Variants in PRPF3 observed in about 807,000 individuals in gnomAD.
The protein encoded by PRPF3 is pre-mRNA processing factor 3.
Under a neutral mutation model 89.2 loss-of-function variants are expected in PRPF3, and 3 were observed. That is an observed-to-expected ratio of 0.03 (90% confidence interval 0.02 to 0.09). The LOEUF (loss-of-function observed/expected upper bound fraction) is 0.09, where lower values mean the gene tolerates loss of function less well. Ranked by LOEUF, PRPF3 falls within the 10% of genes least tolerant of loss-of-function variation. The pLI is 1.00. For synonymous variants in PRPF3, 270 were observed against 289.1 expected (o/e 0.93, Z 0.67); for missense variants, 463 against 828.8 (o/e 0.56, Z 5.42).
At chr1:150,324,075 G>A (rs185699018) in intron 1 of PRPF3, among the ~76,000 whole-genome samples, 64 of 152,018 alleles carry the variant, frequency 4.2e-4, no homozygotes, top group African/African-American at 1.2e-3. Flanking sequence ...CACCGCGCCC[G>A]GCCAGAACAT....
chr1:150,339,745 T>TG (rs1265542781), intron 8 of PRPF3, among the ~76,000 whole-genome samples: 3 of 148,680 alleles, frequency 2.0e-5, no homozygotes, highest in African/African-American at 7.5e-5. Context: ...GCGTTTTTTT[T>TG]TTTTTTTTTT....
chr1:150,343,886 G>A (rs1486480921), intron 10 of PRPF3, among the ~76,000 whole-genome samples: 3 of 152,152 alleles, frequency 2.0e-5, no homozygotes, highest in Admixed American at 6.6e-5. Flanking sequence ...TAGATGCTGT[G>A]ATCAGTGTGA....
At chr1:150,329,714 G>C (rs1286845008) in intron 4 of PRPF3, 2 of 152,132 alleles carry the variant, frequency 1.3e-5, no homozygotes, top group African/African-American at 4.8e-5. Flanking sequence ...AGAAATATGG[G>C]TGGGTGGATT....
At position 150,338,342 on chromosome 1, in the gene PRPF3, T is replaced by C. The variant is rs781818396; in HGVS notation, c.1202+16T>C. 5 of 1,612,704 alleles carry C rather than the reference T, an allele frequency of 3.1e-6. No individual in the cohort carries two copies. The Admixed American group carries it at 6.7e-5, about 22-fold the overall frequency. ...GCTTTGATCTGTGAGTTTGTTTTAG[T>C]ACCTTTTTAAAAAAACAGTTTTTAA... On this transcript the variant is annotated intron_variant, in intron 8 of 15. Coordinates refer to ENST00000324862, the MANE Select transcript of PRPF3 (RefSeq NM_004698.4).
chr1:150,348,456 G>A (rs1219667808), intron 14 of PRPF3, among the ~76,000 whole-genome samples: 13 of 26,360 alleles, frequency 4.9e-4, no homozygotes, highest in Admixed American at 8.6e-4. Flanking sequence ...TGTTCTACAC[G>A]TGCATTTTTT....
In PRPF3 at chr1:150,321,594, T is replaced by C. The variant is rs1438777644; in HGVS notation, c.-49+2T>C. On this transcript the variant is annotated splice_donor_variant, in intron 1 of 15. Transcript: ENST00000324862. LOFTEE classifies it low-confidence loss of function (5UTR_SPLICE). ...GTCTCAGGGGCTGAAGTTTGTGAGG[T>C]GAGTAGTGGCCCCGGGCCCACAGAG... is the stretch of plus-strand genomic sequence containing the variant. The C allele has an allele frequency of 6.6e-6, 1 of 152,262 alleles. No homozygotes were observed. Among genetic ancestry groups the C allele is most frequent in the East Asian group, 1.9e-4 (1 of 5,156 alleles). 9.4% of individuals were successfully genotyped at this position (152,262 alleles called of 1,614,324 possible).
chr1:150,323,960 T>TA (rs1655407676), intron 1 of PRPF3, among the ~76,000 whole-genome samples: 1 of 151,658 alleles, frequency 6.6e-6, no homozygotes, highest in Non-Finnish European at 1.5e-5. Context: ...TTGTAGTTTT[T>TA]AGTAGAGATG....
chr1:150,332,809 C>G (rs782133594), intron 5 of PRPF3, 42 bp downstream of exon 5: 23 of 1,598,350 alleles, frequency 1.4e-5, no homozygotes, highest in Non-Finnish European at 2.0e-5. Flanking sequence ...ATCTTTGGCA[C>G]AGAATTTCTT....
chr1:150,351,696 A>G (rs1302468620), intron 15 of PRPF3, among the ~76,000 whole-genome samples: 19 of 73,366 alleles, frequency 2.6e-4, no homozygotes, highest in African/African-American at 6.6e-4. Flanking sequence ...TTTTTTTTAG[A>G]AATGGATCTC....
Position 150,352,944 on chromosome 1 carries a change from G to T in PRPF3, c.2017G>T (p.Ala673Ser). The stretch of plus-strand genomic sequence containing the variant: ...TGGGGCTGAACACTACTGGGACCTT[G>T]CGCTGAGTGAATCTGTGTTAGAGTC... ...KHGAEHYWDL[A>S]LSESVLESTD The change falls in exon 16 of 16, where the codon GCG becomes TCG. Residue 673 changes from alanine (A) to serine (S), a missense_variant. This residue lies in a region of PRPF3 where 78 missense variants were observed against 96.6 expected (regional missense o/e 0.81). Transcript: ENST00000324862. The T allele has an allele frequency of 6.2e-7, 1 of 1,614,140 alleles. No homozygotes were observed. Among genetic ancestry groups the T allele is most frequent in the Non-Finnish European group, 8.5e-7 (1 of 1,180,016 alleles).
chr1:150,340,328 T>G, intron 8 of PRPF3, 70 bp from the exon 9 acceptor site: 2 of 1,179,938 alleles, frequency 1.7e-6, no homozygotes, highest in Non-Finnish European at 2.5e-6. Context: ...TTTCATTGTA[T>G]TTCTGAGACT....
chr1:150,323,173 C>CTTTTTT (rs71083901), intron 1 of PRPF3, among the ~76,000 whole-genome samples: 6,431 of 48,228 alleles, frequency 0.13, 1,831 homozygotes, highest in Middle Eastern at 0.25. Flanking sequence ...CCGCACCTGG[C>CTTTTTT]TTTTTTTTTT....
intron 8 of PRPF3, among the ~76,000 whole-genome samples, 162 bp downstream of exon 8, chr1:150,338,488 A>C (rs1657288661): frequency 6.7e-6 from 1 of 150,352 alleles, no homozygotes; most frequent in South Asian, 2.1e-4. Context: ...ACTGTACACA[A>C]GGTCCTGTTA....
chr1:150,335,343 AT>A (rs1656849153), intron 7 of PRPF3, 102 bp downstream of exon 7: 9 of 1,376,020 alleles, frequency 6.5e-6, no homozygotes, highest in Non-Finnish European at 9.1e-6. Context: ...TAAATAGGTC[AT>A]TTAAAGCAGC....
chr1:150,334,019 T>C (rs1269204112), intron 6 of PRPF3, among the ~76,000 whole-genome samples: 2 of 152,124 alleles, frequency 1.3e-5, no homozygotes, highest in African/African-American at 2.4e-5. Context: ...ATCAAGATAC[T>C]ATTGGCAGGG....
intron 12 of PRPF3, 147 bp from the exon 13 acceptor site, chr1:150,345,870 AC>A (rs1357462160): frequency 8.0e-6 from 6 of 750,922 alleles, no homozygotes; most frequent in East Asian, 2.5e-5. Context: ...CATCAACTCT[AC>A]CTTTTAAGCA....
chr1:150,344,580 A>G, intron 12 of PRPF3, 33 bp downstream of exon 12: 3 of 1,606,832 alleles, frequency 1.9e-6, no homozygotes, highest in Non-Finnish European at 2.6e-6. Context: ...ACTTCCCCTT[A>G]GAATTACTAA....
chr1:150,335,341 T>G, intron 7 of PRPF3, 100 bp downstream of exon 7: 1 of 1,392,784 alleles, frequency 7.2e-7, no homozygotes, highest in East Asian at 2.3e-5. Context: ...GATAAATAGG[T>G]CATTTAAAGC....
intron 3 of PRPF3, chr1:150,327,737 AT>A (rs1655885273): frequency 1.7e-6 from 1 of 594,196 alleles, no homozygotes. Context: ...TAGTCATCAT[AT>A]TTGAGTTTCC....
Sources: gnomAD v4.1 joint callset for allele counts (sites outside exome capture counted in the v4.1 genomes callset) on GRCh38, gnomAD v4.1.1 for gene constraint, gnomAD v4.1.1 regional missense constraint, MANE v1.5 for transcripts, NCBI Gene and HGNC (gene_info 2026-07-23, HGNC 2026-07-21) for gene names.